The following SYCP1 variants were observed in gnomAD, a reference collection of about 807,000 sequenced individuals.
SYCP1 encodes synaptonemal complex protein 1.
SYCP1 carries 64 observed loss-of-function variants against 153.1 expected under a neutral mutation model. The observed-to-expected ratio is 0.42, with a 90% CI of 0.34 to 0.51. SYCP1 has a LOEUF of 0.51. Among genes scored for constraint, SYCP1 ranks in the 20% least tolerant of loss-of-function variants. The probability of loss-of-function intolerance (pLI) is 0.06; values close to 1 mark genes in which losing one functional copy is unlikely to be tolerated. For synonymous variants in SYCP1, 384 were observed against 341.8 expected (o/e 1.12, Z -1.36); for missense variants, 997 against 1,049.0 (o/e 0.95, Z 0.68).
At chr1:114,944,089 C>G (rs1401978704) in intron 23 of SYCP1, among the ~76,000 whole-genome samples, 1 of 151,654 alleles carries the variant, frequency 6.6e-6, no homozygotes, top group Admixed American at 6.6e-5. Flanking sequence ...TTGAGAAATT[C>G]ATTAAAAATA....
intron 16 of SYCP1, among the ~76,000 whole-genome samples, chr1:114,908,376 A>G: frequency 6.6e-6 from 1 of 152,122 alleles, no homozygotes; most frequent in Non-Finnish European, 1.5e-5. Flanking sequence ...GATTCACTGC[A>G]CTTCATAAAT....
chr1:114,900,072 A>G (rs1365523823), intron 16 of SYCP1, among the ~76,000 whole-genome samples: 1 of 152,206 alleles, frequency 6.6e-6, no homozygotes, highest in Non-Finnish European at 1.5e-5. Context: ...TGCCTTATGA[A>G]TACTTCGTTG....
At chr1:114,879,555 G>A (rs148238791) in intron 12 of SYCP1, among the ~76,000 whole-genome samples, 1 of 152,276 alleles carries the variant, frequency 6.6e-6, no homozygotes, top group Non-Finnish European at 1.5e-5. Flanking sequence ...CTGTGACTAG[G>A]AGTGTATTGA....
In SYCP1 at chr1:114,860,813, A is replaced by C; in HGVS notation, c.598+4A>C. 1 of 1,564,808 alleles carries C rather than the reference A, an allele frequency of 6.4e-7. No homozygotes were observed. The highest frequency in any genetic ancestry group is 8.7e-7 in the Non-Finnish European group (1 of 1,151,734). On this transcript the variant is annotated splice_donor_region_variant and intron_variant, in intron 8 of 31. Coordinates refer to ENST00000369522, the MANE Select transcript of SYCP1 (RefSeq NM_003176.4). ...TCTGCAGAAAAGACAAAGAAATGTA[A>C]ATATCTTTCTTGTTTTATGTGATTT... is the stretch of plus-strand genomic sequence containing the variant.
At chr1:114,950,504 A>G (rs910755721) in intron 27 of SYCP1, among the ~76,000 whole-genome samples, 6 of 152,170 alleles carry the variant, frequency 3.9e-5, no homozygotes, top group Admixed American at 1.3e-4. Context: ...CTACAAACCC[A>G]TATCTCAGAG....
chr1:114,977,702 A>C (rs755316344), intron 28 of SYCP1, 86 bp downstream of exon 28: 1 of 853,780 alleles, frequency 1.2e-6, no homozygotes, highest in Admixed American at 2.9e-5. Flanking sequence ...TATAAGTAGG[A>C]AAATAACATT....
At chr1:114,944,720 G>T in intron 24 of SYCP1, 152 bp from the exon 25 acceptor site, 2 of 661,032 alleles carry the variant, frequency 3.0e-6, no homozygotes, top group African/African-American at 1.9e-5. Flanking sequence ...AAAACACCCC[G>T]AAAAAACCCC....
chr1:114,874,471 A>G, intron 8 of SYCP1, 35 bp from the exon 9 acceptor site: 2 of 1,298,542 alleles, frequency 1.5e-6, no homozygotes, highest in Non-Finnish European at 2.2e-6. Flanking sequence ...ATCTTATTTT[A>G]AAATTTAATC....
chr1:114,992,138 T>C (rs184348320), intron 30 of SYCP1, among the ~76,000 whole-genome samples: 1 of 151,722 alleles, frequency 6.6e-6, no homozygotes, highest in Non-Finnish European at 1.5e-5. Flanking sequence ...AAAACACTGG[T>C]GAGAGAAATT....
intron 23 of SYCP1, among the ~76,000 whole-genome samples, chr1:114,943,258 A>T (rs1443423512): frequency 6.6e-6 from 1 of 151,990 alleles, no homozygotes; most frequent in African/African-American, 2.4e-5. Context: ...TATATACTAT[A>T]GAGAAATTCT....
At chr1:114,900,783 G>A (rs536233843) in intron 16 of SYCP1, among the ~76,000 whole-genome samples, 1 of 152,284 alleles carries the variant, frequency 6.6e-6, no homozygotes, top group East Asian at 1.9e-4. Context: ...GGTGTGGTTA[G>A]TTCCATATGT....
chr1:114,981,350 T>G lies in SYCP1; in HGVS notation c.2397T>G (p.Phe799Leu). ...GTTCAATGCAGAAAACACAAACATT[T>G]TTATTGGAAACACCTGAAATTTATT... ...KEKKDKKTQT[F>L]LLETPEIYWK... Residue 799 changes from phenylalanine (F) to leucine (L), a missense_variant, in exon 29 of 32, where the codon TTT becomes TTG. Coordinates refer to ENST00000369522, the MANE Select transcript of SYCP1 (RefSeq NM_003176.4). The G allele has an allele frequency of 6.3e-7, 1 of 1,591,284 alleles. No homozygotes were observed. Among genetic ancestry groups the G allele is most frequent in the Non-Finnish European group, 8.5e-7 (1 of 1,172,464 alleles).
intron 23 of SYCP1, among the ~76,000 whole-genome samples, chr1:114,935,143 C>A (rs1669912190): frequency 6.6e-6 from 1 of 152,144 alleles, no homozygotes; most frequent in African/African-American, 2.4e-5. Context: ...CCAAAATTGA[C>A]CACATAGTTG....
chr1:114,925,066 A>C (rs1036978905), intron 21 of SYCP1, among the ~76,000 whole-genome samples: 3 of 152,146 alleles, frequency 2.0e-5, no homozygotes, highest in African/African-American at 7.2e-5. Context: ...AAAGGATAAA[A>C]ACCTTCAAAA....
chr1:114,929,094 A>C (rs2101751345), intron 23 of SYCP1, among the ~76,000 whole-genome samples: 1 of 152,260 alleles, frequency 6.6e-6, no homozygotes, highest in East Asian at 1.9e-4. Flanking sequence ...CCATTAATGA[A>C]GGCTCCATCC....
At chr1:114,871,478 C>T (rs1459717235) in intron 8 of SYCP1, among the ~76,000 whole-genome samples, 3 of 152,092 alleles carry the variant, frequency 2.0e-5, no homozygotes, top group South Asian at 2.1e-4. Context: ...GGCCTCCTCC[C>T]GTCTTTTGTA....
intron 16 of SYCP1, among the ~76,000 whole-genome samples, chr1:114,902,227 A>G (rs1667504718): frequency 6.6e-6 from 1 of 152,192 alleles, no homozygotes; most frequent in African/African-American, 2.4e-5. Context: ...GTAGGGGTAC[A>G]GTTTCCTCTA....
Position 114,876,761 on chromosome 1 carries a change from A to G in SYCP1, c.752A>G (p.Gln251Arg), listed in dbSNP as rs1248378393. 2.1e-6 allele frequency: 3 copies of G among 1,396,174 alleles called. No individual in the cohort carries two copies. The African/African-American group carries it at 4.5e-5, about 21-fold the overall frequency. The allele number at this position is 1,396,174 out of a possible 1,614,324, so 86.5% of individuals were successfully genotyped here. Residue 251 changes from glutamine to arginine, a missense_variant, in exon 11 of 32, where the codon CAA becomes CGA. Gln to Arg is a conservative substitution (Grantham distance 43, BLOSUM62 1). Around this residue, in one of 2 missense-constraint regions of SYCP1, gnomAD observed 285 missense variants for 366.1 expected, o/e 0.78. Coordinates refer to ENST00000369522, the MANE Select transcript of SYCP1 (RefSeq NM_003176.4). Reference protein sequence around the residue: ...FKLKEDYEKIQHLEQEYKKEI... With the variant: ...FKLKEDYEKIRHLEQEYKKEI... ...GTAAAGGAAGATTATGAAAAAATCC[A>G]ACACCTTGAACAAGAATACAAGAAG...
chr1:114,874,429 T>C, intron 8 of SYCP1, 77 bp from the exon 9 acceptor site: 1 of 834,096 alleles, frequency 1.2e-6, no homozygotes, highest in Admixed American at 2.4e-5. Context: ...TTTAATGTTT[T>C]CTGGAGGCAT....
Sources: allele counts gnomAD v4.1 joint callset (sites outside exome capture counted in the v4.1 genomes callset), GRCh38; gene constraint gnomAD v4.1.1; regional missense constraint gnomAD v4.1.1; transcripts MANE v1.5; gene names NCBI Gene and HGNC (gene_info 2026-07-23, HGNC 2026-07-21).